Variants in LNX1 observed in about 807,000 individuals in gnomAD.
The protein encoded by LNX1 is E3 ubiquitin-protein ligase LNX.
LNX1 carries 54 observed loss-of-function variants against 68.4 expected under a neutral mutation model. The observed-to-expected ratio is 0.79, with a 90% CI of 0.63 to 0.99. The LOEUF (loss-of-function observed/expected upper bound fraction) is 0.99, where lower values mean the gene tolerates loss of function less well. Among genes scored for constraint, LNX1 ranks in the 50% least tolerant of loss-of-function variants. The pLI, the probability that LNX1 is intolerant of heterozygous loss-of-function variation, is 0.00. For missense variants in LNX1, 906 were observed against 926.4 expected, an observed-to-expected ratio of 0.98 and a Z score of 0.29; for synonymous variants, 336 against 350.0, an observed-to-expected ratio of 0.96 and a Z score of 0.45.
At chr4:53,481,068 T>C (rs1465737894) in intron 7 of LNX1, among the ~76,000 whole-genome samples, 1 of 152,224 alleles carries the variant, frequency 6.6e-6, no homozygotes, top group Non-Finnish European at 1.5e-5. Flanking sequence ...TTGCCTCTAA[T>C]AGAAGCCACA....
At chr4:53,648,659 G>A (rs1428163134) in intron 1 of LNX1, among the ~76,000 whole-genome samples, 1 of 152,110 alleles carries the variant, frequency 6.6e-6, no homozygotes, top group African/African-American at 2.4e-5. Context: ...CTGGCTCTAA[G>A]GGAGGTGGAC....
At chr4:53,479,945 C>T (rs1387084891) in intron 7 of LNX1, among the ~76,000 whole-genome samples, 1 of 152,230 alleles carries the variant, frequency 6.6e-6, no homozygotes, top group Non-Finnish European at 1.5e-5. Flanking sequence ...ACTCTTTCTG[C>T]TCATAGGCCT....
intron 2 of LNX1, among the ~76,000 whole-genome samples, chr4:53,571,730 C>T (rs1432851682): frequency 1.3e-5 from 2 of 152,138 alleles, no homozygotes. Context: ...TAGCGCATCA[C>T]AGCTCACTTC....
chr4:53,477,093 A>G (rs1257514543), intron 8 of LNX1, 112 bp from the exon 9 acceptor site: 1 of 909,344 alleles, frequency 1.1e-6, no homozygotes, highest in Non-Finnish European at 1.8e-6. Context: ...AGAGAGGGCA[A>G]AGGTTTTCTT....
At chr4:53,607,634 C>T (rs1442041691) in intron 2 of LNX1, among the ~76,000 whole-genome samples, 2 of 151,936 alleles carry the variant, frequency 1.3e-5, no homozygotes, top group Non-Finnish European at 1.5e-5. Flanking sequence ...TTAAAATTCA[C>T]AGGGAACTAA....
intron 2 of LNX1, among the ~76,000 whole-genome samples, chr4:53,534,317 C>G (rs1728218455): frequency 6.6e-6 from 1 of 152,040 alleles, no homozygotes; most frequent in Non-Finnish European, 1.5e-5. Context: ...ATCTTCAACC[C>G]TGAATGTCAT....
At chr4:53,624,666 G>A (rs1734008961) in intron 1 of LNX1, among the ~76,000 whole-genome samples, 1 of 152,064 alleles carries the variant, frequency 6.6e-6, no homozygotes, top group African/African-American at 2.4e-5. Flanking sequence ...GCTCTCCTAG[G>A]GTTCTCAGAA....
intron 2 of LNX1, among the ~76,000 whole-genome samples, chr4:53,597,606 G>A (rs894513079): frequency 1.1e-4 from 17 of 152,148 alleles, no homozygotes; most frequent in Non-Finnish European, 1.8e-4. Context: ...TCTTGAAAGT[G>A]AGCCAGAGCT....
chr4:53,582,903 G>A (rs905536664), intron 1 of LNX1, among the ~76,000 whole-genome samples: 3 of 151,962 alleles, frequency 2.0e-5, no homozygotes, highest in Non-Finnish European at 2.9e-5. Flanking sequence ...ACAGACCAGC[G>A]CCTGCCACTT....
At chr4:53,596,432 G>A (rs1187654453), upstream of LNX1, among the ~76,000 whole-genome samples, 1 of 152,156 alleles carries the variant, frequency 6.6e-6, no homozygotes, top group Non-Finnish European at 1.5e-5. Context: ...ACACTGATTT[G>A]TGGTCAGCAT....
chr4:53,471,293 G>C (rs551035450), intron 9 of LNX1, among the ~76,000 whole-genome samples: 335 of 152,100 alleles, frequency 2.2e-3, no homozygotes, highest in African/African-American at 7.7e-3. Context: ...GCCATACGTA[G>C]AGAGCTGAAA....
At chr4:53,467,295 G>A (rs1445317984) in intron 9 of LNX1, among the ~76,000 whole-genome samples, 3 of 152,134 alleles carry the variant, frequency 2.0e-5, no homozygotes, top group Non-Finnish European at 4.4e-5. Flanking sequence ...CTGCTGGAAG[G>A]AAAACTAACA....
intron 9 of LNX1, among the ~76,000 whole-genome samples, chr4:53,464,929 GTT>G (rs767589932): frequency 6.6e-6 from 1 of 151,914 alleles, no homozygotes; most frequent in Admixed American, 6.6e-5. Flanking sequence ...TTTCTTCTGT[GTT>G]TTTTCTGAAA....
At position 53,577,054 on chromosome 4, in the gene LNX1, T is replaced by C. The variant is rs188980353; in HGVS notation, c.-86-2966A>G. ...CAGATAGGACCACAGAAGGCAAAGA[T>C]AGAGGGTGCAGGAGGGGGTAAAGTT... On this transcript the variant is annotated intron_variant, in intron 1 of 10. Coordinates refer to ENST00000263925, the MANE Select transcript of LNX1 (RefSeq NM_001126328.3). 2.7e-3 allele frequency among the ~76,000 whole-genome samples: 411 copies of C among 152,256 alleles called. 2 individuals are homozygous for C. Among genetic ancestry groups the C allele is most frequent in the African/African-American group, 9.2e-3 (381 of 41,542 alleles).
intron 1 of LNX1, among the ~76,000 whole-genome samples, chr4:53,650,285 A>G (rs1735047144): frequency 6.6e-6 from 1 of 152,190 alleles, no homozygotes; most frequent in Admixed American, 6.5e-5. Flanking sequence ...GGTGTGGAGG[A>G]CATACGGTAG....
chr4:53,603,215 T>A (rs1733090484), intron 2 of LNX1, among the ~76,000 whole-genome samples: 1 of 152,230 alleles, frequency 6.6e-6, no homozygotes, highest in Non-Finnish European at 1.5e-5. Context: ...CCAGGGTGGT[T>A]GCAGGGCTTC....
intron 2 of LNX1, among the ~76,000 whole-genome samples, chr4:53,534,274 T>A (rs1728215180): frequency 6.6e-6 from 1 of 152,178 alleles, no homozygotes; most frequent in Non-Finnish European, 1.5e-5. Flanking sequence ...GTGAATCCTC[T>A]TCTCAAGGGC....
chr4:53,569,244 A>T (rs1402403645), intron 2 of LNX1, among the ~76,000 whole-genome samples: 5 of 151,692 alleles, frequency 3.3e-5, no homozygotes, highest in African/African-American at 9.7e-5. Context: ...GAGGCATCAC[A>T]CTACCTGACT....
chr4:53,612,465 G>T (rs2668542), intron 2 of LNX1, among the ~76,000 whole-genome samples: 62,724 of 152,044 alleles, frequency 0.41, 12,946 homozygotes, highest in Admixed American at 0.45. Flanking sequence ...TTGCAAATTA[G>T]AAAAGCTAAG....
Sources: gnomAD v4.1 joint callset for allele counts (sites outside exome capture counted in the v4.1 genomes callset) on GRCh38, gnomAD v4.1.1 for gene constraint, MANE v1.5 for transcripts, NCBI Gene and HGNC (gene_info 2026-07-23, HGNC 2026-07-21) for gene names.